CCDC68: variants seen among roughly 807,000 people sequenced by gnomAD.
The protein encoded by CCDC68 is coiled-coil domain-containing protein 68.
CCDC68 carries 45 observed loss-of-function variants against 47.1 expected under a neutral mutation model. The ratio of observed to expected loss-of-function variants is 0.96; its 90% CI spans 0.75 to 1.23. The LOEUF (loss-of-function observed/expected upper bound fraction) is 1.23. Among genes scored for constraint, CCDC68 ranks in the 50% most tolerant of loss-of-function variants. The probability of loss-of-function intolerance (pLI) is 0.00; values close to 1 mark genes in which losing one functional copy is unlikely to be tolerated. For synonymous variants in CCDC68, 131 were observed against 129.5 expected (o/e 1.01, Z -0.08); for missense variants, 353 against 373.6 (o/e 0.94, Z 0.45).
At chr18:54,946,819 G>A (rs2044535865) in intron 1 of CCDC68, among the ~76,000 whole-genome samples, 1 of 146,688 alleles carries the variant, frequency 6.8e-6, no homozygotes, top group South Asian at 2.2e-4. Context: ...AACACCTAGA[G>A]ATAGGAAAAT....
intron 1 of CCDC68, among the ~76,000 whole-genome samples, chr18:54,956,446 T>C (rs2044714822): frequency 6.6e-6 from 1 of 152,226 alleles, no homozygotes; most frequent in South Asian, 2.1e-4. Context: ...TATCAGTTAT[T>C]CTCACATTAT....
chr18:54,909,924 C>G (rs1914254957), intron 10 of CCDC68, among the ~76,000 whole-genome samples: 1 of 152,258 alleles, frequency 6.6e-6, no homozygotes, highest in African/African-American at 2.4e-5. Flanking sequence ...TTGCCTGCAA[C>G]ATGGCGAGCA....
In CCDC68 at chr18:54,941,080, G is replaced by A. The variant is rs372995837; in HGVS notation, c.121C>T (p.Arg41Ter). The change falls in exon 4 of 12, where the codon CGA becomes TGA. Residue 41 changes from arginine to a stop codon, truncating the protein, a stop_gained. Transcript: ENST00000591504. LOFTEE classifies it high-confidence loss of function. ...IEETEYVKKI[R>*]TTLQKIRTQM... is the part of the protein sequence containing the mutation. The stretch of plus-strand genomic sequence containing the variant: ...GTCCTGATCTTTTGCAGAGTAGTTC[G>A]AATCTAGAGAAGGAAAACAAAACCA... 32 of 1,606,930 alleles carry A rather than the reference G, an allele frequency of 2.0e-5. No individual in the cohort carries two copies. The highest frequency in any genetic ancestry group is 1.7e-4 in the African/African-American group (13 of 74,560).
chr18:54,938,678 C>A (rs538986772), intron 4 of CCDC68, among the ~76,000 whole-genome samples: 2 of 152,310 alleles, frequency 1.3e-5, no homozygotes, highest in East Asian at 3.9e-4. Flanking sequence ...AATTGGAAAC[C>A]ACCTAACTTA....
chr18:54,945,459 C>T lies in CCDC68; in HGVS notation c.-84G>A, dbSNP rs1332000536. 1 of 151,982 alleles carries T rather than the reference C, an allele frequency of 6.6e-6. No individual in the cohort carries two copies. The highest frequency in any genetic ancestry group is 1.9e-4 in the East Asian group (1 of 5,180). 9.4% of individuals were successfully genotyped at this position (151,982 alleles called of 1,614,324 possible). ...TTTAGAAGTTCAGAGATGTTTCCAT[C>T]ATATTAAGACTGGCTTCCCTGGAGA... On this transcript the variant is annotated 5_prime_UTR_variant, in exon 2 of 12. It removes an upstream start codon present in the reference 5' UTR. Transcript: ENST00000591504.
chr18:54,949,033 G>A (rs765913836), intron 1 of CCDC68, among the ~76,000 whole-genome samples: 1 of 152,136 alleles, frequency 6.6e-6, no homozygotes. Flanking sequence ...TCACTCTCTT[G>A]CCCAGGTTTG....
chr18:54,914,829 A>G (rs1050707101), intron 10 of CCDC68, among the ~76,000 whole-genome samples: 1 of 152,208 alleles, frequency 6.6e-6, no homozygotes, highest in East Asian at 1.9e-4. Flanking sequence ...TTTGGAATAT[A>G]CAAACGGAGT....
At chr18:54,919,916 T>C (rs1178332614) in intron 8 of CCDC68, among the ~76,000 whole-genome samples, 1 of 152,184 alleles carries the variant, frequency 6.6e-6, no homozygotes, top group Non-Finnish European at 1.5e-5. Context: ...TCTACTATCA[T>C]TCCATAGGGA....
rs1568131499 is a variant in CCDC68, at chr18:54,909,365, AAAGG to A, written c.874-1507_874-1504del. Among the ~76,000 whole-genome samples the A allele has an allele frequency of 4.9e-5, 7 of 142,618 alleles. No homozygotes were observed. In the East Asian group the frequency reaches 8.6e-4, roughly 17 times the overall value. The allele number at this position is 142,618 out of a possible 152,430, so 93.6% of individuals were successfully genotyped here. A position where few individuals can be genotyped will look rare whatever the true frequency, so the allele number is the denominator to read the frequency against. Reference sequence around the variant, plus strand: ...TAGAGAGTCATGTAATTATAGTTTAAAAGGTATTTTCTTTCTTTTTTTTTTTTTT... The same window carrying A: ...TAGAGAGTCATGTAATTATAGTTTAATATTTTCTTTCTTTTTTTTTTTTTT... On this transcript the variant is annotated intron_variant, in intron 10 of 11. Coordinates refer to ENST00000591504, the MANE Select transcript of CCDC68 (RefSeq NM_025214.3).
chr18:54,941,143 C>T, intron 3 of CCDC68, 60 bp from the exon 4 acceptor site: 1 of 1,108,526 alleles, frequency 9.0e-7, no homozygotes, highest in East Asian at 2.4e-5. Flanking sequence ...CGCTTTTTTT[C>T]TCAATACCAG....
intron 1 of CCDC68, among the ~76,000 whole-genome samples, chr18:54,945,737 T>C (rs1172587565): frequency 6.6e-6 from 1 of 152,266 alleles, no homozygotes; most frequent in Non-Finnish European, 1.5e-5. Flanking sequence ...GAAGTTGATT[T>C]GGCAGCAGCA....
Position 54,907,863 on chromosome 18 carries a change from C to T in CCDC68, c.874-1G>A. The T allele has an allele frequency of 6.3e-7, 1 of 1,576,068 alleles. No individual in the cohort carries two copies. The highest frequency in any genetic ancestry group is 8.7e-7 in the Non-Finnish European group (1 of 1,145,628). ...CTACCTGGGTTTTTAGTTCTTTATT[C>T]TAAAATTGAAAAAAAATGCAGACGT... On this transcript the variant is annotated splice_acceptor_variant, in intron 10 of 11. Transcript: ENST00000591504. LOFTEE classifies it high-confidence loss of function.
intron 1 of CCDC68, among the ~76,000 whole-genome samples, chr18:54,955,496 G>A (rs886356420): frequency 2.0e-5 from 3 of 152,152 alleles, no homozygotes; most frequent in African/African-American, 7.2e-5. Context: ...TGTTCTACTA[G>A]AGAAATCTTC....
intron 8 of CCDC68, among the ~76,000 whole-genome samples, chr18:54,924,722 C>T (rs943852909): frequency 6.6e-6 from 1 of 152,192 alleles, no homozygotes; most frequent in Non-Finnish European, 1.5e-5. Context: ...GAAGCCCACC[C>T]TCAATTTCTC....
At chr18:54,953,916 A>G (rs1037483146) in intron 1 of CCDC68, among the ~76,000 whole-genome samples, 1 of 151,030 alleles carries the variant, frequency 6.6e-6, no homozygotes, top group Non-Finnish European at 1.5e-5. Context: ...CTGCACATAC[A>G]CTGTTGGATC....
In CCDC68 at chr18:54,938,230, C is replaced by G. The variant is rs547290864; in HGVS notation, c.205-133G>C. On this transcript the variant is annotated intron_variant, in intron 4 of 11. Transcript: ENST00000591504. ...GCACAAACAAACATCTTTTGAATCT[C>G]AAATATCAATGGGAAATTCTAGATG... 4.2e-5 allele frequency: 33 copies of G among 782,778 alleles called. No individual in the cohort carries two copies. In the African/African-American group the frequency reaches 5.9e-4, roughly 14 times the overall value. 48.5% of individuals were successfully genotyped at this position (782,778 alleles called of 1,614,324 possible). A position where few individuals can be genotyped will look rare whatever the true frequency, so the allele number is the denominator to read the frequency against.
intron 1 of CCDC68, among the ~76,000 whole-genome samples, chr18:54,955,131 G>A (rs2044690101): frequency 1.3e-5 from 2 of 152,222 alleles, no homozygotes; most frequent in South Asian, 4.1e-4. Flanking sequence ...GGCCAGTCTG[G>A]GTAACACAGT....
At chr18:54,942,310 G>A (rs1036257710) in intron 3 of CCDC68, among the ~76,000 whole-genome samples, 151 of 152,008 alleles carry the variant, frequency 9.9e-4, no homozygotes, top group African/African-American at 3.6e-3. Flanking sequence ...AAATGTAAAC[G>A]TCTACTTGGG....
At chr18:54,957,623 A>ACTCTCT (rs1478919126) in intron 1 of CCDC68, among the ~76,000 whole-genome samples, 26 of 88,144 alleles carry the variant, frequency 2.9e-4, no homozygotes, top group African/African-American at 6.6e-4. Context: ...ACACACACAC[A>ACTCTCT]CACACTCTCT....
Sources: allele counts gnomAD v4.1 joint callset (sites outside exome capture counted in the v4.1 genomes callset), GRCh38; gene constraint gnomAD v4.1.1; transcripts MANE v1.5; gene names NCBI Gene and HGNC (gene_info 2026-07-23, HGNC 2026-07-21).